Variants in DGCR8 observed in about 807,000 individuals in gnomAD.
DGCR8 encodes the protein microprocessor complex subunit DGCR8.
A neutral mutation model predicts 78.5 loss-of-function variants in DGCR8; 14 were observed. The ratio of observed to expected loss-of-function variants is 0.18; its 90% CI spans 0.12 to 0.28. The LOEUF (loss-of-function observed/expected upper bound fraction) is 0.28, where lower values mean the gene tolerates loss of function less well. Ranked by LOEUF, DGCR8 falls within the 10% of genes least tolerant of loss-of-function variation. DGCR8 has a pLI of 1.00. For missense variants in DGCR8, 702 were observed against 1,022.5 expected (o/e 0.69, Z 4.28); for synonymous variants, 399 against 402.4 (o/e 0.99, Z 0.10).
chr22:20,111,503 T>C lies in DGCR8; in HGVS notation c.*1395T>C. The C allele has an allele frequency of 2.5e-6, 1 of 398,290 alleles. No individual in the cohort carries two copies. The highest frequency in any genetic ancestry group is 4.4e-6 in the Non-Finnish European group (1 of 226,060). 24.7% of individuals were successfully genotyped at this position (398,290 alleles called of 1,614,324 possible). On this transcript the variant is annotated 3_prime_UTR_variant, in exon 14 of 14. Transcript: ENST00000351989. Reference sequence around the variant, plus strand: ...AACCCTCAACTCAAATTGCTATAATTAGACACTTGCTTCTGTCTTGCCTCC... The same window carrying C: ...AACCCTCAACTCAAATTGCTATAATCAGACACTTGCTTCTGTCTTGCCTCC...
intron 1 of DGCR8, among the ~76,000 whole-genome samples, chr22:20,082,663 G>A (rs536367356): frequency 1.3e-5 from 2 of 152,316 alleles, no homozygotes; most frequent in South Asian, 4.1e-4. Context: ...CACCGCGCCC[G>A]GCCCAGAGTG....
chr22:20,107,395 G>A lies in DGCR8; in HGVS notation c.2121G>A (p.Lys707=), dbSNP rs761272991. 2 of 1,614,086 alleles carry A rather than the reference G, an allele frequency of 1.2e-6. No homozygotes were observed. The highest frequency in any genetic ancestry group is 1.7e-6 in the Non-Finnish European group (2 of 1,180,020). ...GCCGTGAGAGCAGCAAGATGGTCAAGCAGGTAACTGGCCATCAGCAGGTCC... is the reference window on the plus strand; with the variant it reads ...GCCGTGAGAGCAGCAAGATGGTCAAACAGGTAACTGGCCATCAGCAGGTCC... ...MYGRESSKMV[K]QETSDKSVIE... is the part of the protein sequence containing the mutation. Residue 707 remains lysine, a synonymous_variant, in exon 12 of 14, where the codon AAG becomes AAA. Transcript: ENST00000351989.
intron 3 of DGCR8, among the ~76,000 whole-genome samples, chr22:20,088,763 T>A (rs1323634726): frequency 6.6e-6 from 1 of 152,152 alleles, no homozygotes; most frequent in Non-Finnish European, 1.5e-5. Flanking sequence ...CTTTTTCCCC[T>A]TATGTATATT....
Position 20,108,906 on chromosome 22 carries a change from G to A in DGCR8, c.2141G>A (p.Ser714Asn). ...KMVKQETSDKSVIELQQYAKK... is the reference protein window; with the variant it reads ...KMVKQETSDKNVIELQQYAKK... ...ACTTCCCAGGAGACATCGGACAAGA[G>A]TGTGATTGAGCTGCAGCAGTATGCC... The change falls in exon 13 of 14, where the codon AGT (serine) becomes AAT (asparagine). Residue 714 changes from serine (S) to asparagine (N), a missense_variant. Around this residue, in one of 4 missense-constraint regions of DGCR8, gnomAD observed 225 missense variants for 427.7 expected, o/e 0.53. Coordinates refer to ENST00000351989, the MANE Select transcript of DGCR8 (RefSeq NM_022720.7). The A allele has an allele frequency of 5.7e-6, 9 of 1,592,154 alleles. No individual in the cohort carries two copies. Among genetic ancestry groups the A allele is most frequent in the Non-Finnish European group, 7.7e-6 (9 of 1,161,680 alleles).
chr22:20,089,771 C>T lies in DGCR8; in HGVS notation c.983C>T (p.Thr328Ile). 1 of 1,613,986 alleles carries T rather than the reference C, an allele frequency of 6.2e-7. No homozygotes were observed. The highest frequency in any genetic ancestry group is 8.5e-7 in the Non-Finnish European group (1 of 1,180,004). ...CTACACAGAGAGTCTCGGGTGGTCACCTGGTCCAGGCCATACTTCTTGGGA... is the reference window on the plus strand; with the variant it reads ...CTACACAGAGAGTCTCGGGTGGTCATCTGGTCCAGGCCATACTTCTTGGGA... Reference protein sequence around the residue: ...VYLHRESRVVTWSRPYFLGTG... With the variant: ...VYLHRESRVVIWSRPYFLGTG... Residue 328 changes from threonine (T) to isoleucine (I), a missense_variant, in exon 4 of 14, where the codon ACC (threonine) becomes ATC (isoleucine). By Grantham distance (89) the Thr-to-Ile change is moderately conservative. This residue lies in a region of DGCR8 where 356 missense variants were observed against 448.9 expected (regional missense o/e 0.79). Coordinates refer to ENST00000351989, the MANE Select transcript of DGCR8 (RefSeq NM_022720.7). The surrounding 1 kb of genome is among the most constrained non-coding windows in gnomAD (Gnocchi z 4.9).
At chr22:20,084,963 G>T (rs541926271) in intron 1 of DGCR8, 1 of 985,332 alleles carries the variant, frequency 1.0e-6, no homozygotes, top group South Asian at 4.7e-5. Flanking sequence ...GGAACGGGCT[G>T]CAGGTGGCAC....
Position 20,111,195 on chromosome 22 carries a change from T to C in DGCR8, c.*1087T>C. ...TATGGGTGGGTGTGCGATGGAAATG[T>C]GTTCCTGCCGGAGTCTGAGGCACCA... On this transcript the variant is annotated 3_prime_UTR_variant, in exon 14 of 14. Coordinates refer to ENST00000351989, the MANE Select transcript of DGCR8 (RefSeq NM_022720.7). 1 of 398,826 alleles carries C rather than the reference T, an allele frequency of 2.5e-6. No individual in the cohort carries two copies. The highest frequency in any genetic ancestry group is 4.4e-6 in the Non-Finnish European group (1 of 226,070). 24.7% of individuals were successfully genotyped at this position (398,826 alleles called of 1,614,324 possible).
At chr22:20,102,509 G>A (rs1315736412) in intron 9 of DGCR8, among the ~76,000 whole-genome samples, 4 of 152,212 alleles carry the variant, frequency 2.6e-5, no homozygotes, top group Non-Finnish European at 5.9e-5. Flanking sequence ...CTGTAAGGTC[G>A]TCCAGGTCTG....
intron 9 of DGCR8, among the ~76,000 whole-genome samples, chr22:20,097,168 G>GT (rs1373684859): frequency 1.3e-5 from 2 of 152,164 alleles, no homozygotes; most frequent in African/African-American, 2.4e-5. Context: ...GCAGGTACAG[G>GT]TATCAGGATA....
In DGCR8 at chr22:20,111,704, G is replaced by GCGC. The variant is rs1568965817; in HGVS notation, c.*1598_*1600dup. On this transcript the variant is annotated 3_prime_UTR_variant, in exon 14 of 14. Coordinates refer to ENST00000351989, the MANE Select transcript of DGCR8 (RefSeq NM_022720.7). ...GCTGCCATACTCTTGTGGTCTCTGT[G>GCGC]CGCCCCCCCCCCCCCCCCACCCGTC... 1 of 148,438 alleles carries GCGC rather than the reference G, an allele frequency of 6.7e-6. No homozygotes were observed. The allele number at this position is 148,438 out of a possible 1,614,324, so 9.2% of individuals were successfully genotyped here. A position where few individuals can be genotyped will look rare whatever the true frequency, so the allele number is the denominator to read the frequency against.
chr22:20,100,280 T>C, intron 9 of DGCR8: 1 of 851,498 alleles, frequency 1.2e-6, no homozygotes, highest in Non-Finnish European at 1.4e-6. Flanking sequence ...TTGGCCAGGA[T>C]GGTCTCTATC....
chr22:20,108,467 G>GC (rs943363574), intron 12 of DGCR8: 1 of 163,644 alleles, frequency 6.1e-6, no homozygotes, highest in African/African-American at 2.4e-5. Flanking sequence ...GCCTGATGCT[G>GC]CTCTGCATTC....
At chr22:20,104,782 C>G (rs1009564948) in intron 9 of DGCR8, among the ~76,000 whole-genome samples, 3 of 152,254 alleles carry the variant, frequency 2.0e-5, no homozygotes, top group Non-Finnish European at 2.9e-5. Flanking sequence ...TTGCCAACCT[C>G]AGGGCTAGTG....
In DGCR8 at chr22:20,111,616, G is replaced by C. The variant is rs1427050529; in HGVS notation, c.*1508G>C. ...GTGAACCAAAGCTTCGTGCACATGT[G>C]TTCCCCTAAAGGTTGGGGAGCCTCG... On this transcript the variant is annotated 3_prime_UTR_variant, in exon 14 of 14. Transcript: ENST00000351989. 6 of 371,508 alleles carry C rather than the reference G, an allele frequency of 1.6e-5. No individual in the cohort carries two copies. Among genetic ancestry groups the C allele is most frequent in the Non-Finnish European group, 2.9e-5 (6 of 209,920 alleles). 23.0% of individuals were successfully genotyped at this position (371,508 alleles called of 1,614,324 possible). A position where few individuals can be genotyped will look rare whatever the true frequency, so the allele number is the denominator to read the frequency against.
chr22:20,100,922 C>T, intron 9 of DGCR8: 1 of 795,020 alleles, frequency 1.3e-6, no homozygotes, highest in Non-Finnish European at 1.5e-6. Flanking sequence ...AATGGGGGCC[C>T]CTGCCACCCG....
rs558811439 is a variant in DGCR8, at chr22:20,111,436, C to T, written c.*1328C>T. On this transcript the variant is annotated 3_prime_UTR_variant, in exon 14 of 14. Transcript: ENST00000351989. ...CCCACAACATATCCTTCCCTCACTA[C>T]CTGTGTGACCAAGGTTGGCTTCTGT... 5.8e-5 allele frequency: 23 copies of T among 397,922 alleles called. No homozygotes were observed. Among genetic ancestry groups the T allele is most frequent in the Non-Finnish European group, 9.7e-5 (22 of 225,916 alleles). 24.6% of individuals were successfully genotyped at this position (397,922 alleles called of 1,614,324 possible).
At chr22:20,100,461 C>G in intron 9 of DGCR8, 1 of 985,386 alleles carries the variant, frequency 1.0e-6, no homozygotes, top group Non-Finnish European at 1.2e-6. Flanking sequence ...TAGACCCTGG[C>G]CCACCAAAAC....
chr22:20,091,555 C>G lies in DGCR8; in HGVS notation c.1427C>G (p.Ala476Gly), dbSNP rs1314258293. ...QFNREMKRKQ[A>G]ESERPILPAN... is the part of the protein sequence containing the mutation. The stretch of plus-strand genomic sequence containing the variant: ...AATCGGGAAATGAAGCGGAAGCAGG[C>G]GGAGTCCGAGAGGCCCATCTTGCCA... Residue 476 changes from alanine (A) to glycine (G), a missense_variant, in exon 6 of 14, where the codon GCG (alanine) becomes GGG (glycine). Around this residue, in one of 4 missense-constraint regions of DGCR8, gnomAD observed 225 missense variants for 427.7 expected, o/e 0.53. Transcript: ENST00000351989. The G allele has an allele frequency of 6.2e-7, 1 of 1,614,194 alleles. No individual in the cohort carries two copies. The highest frequency in any genetic ancestry group is 8.5e-7 in the Non-Finnish European group (1 of 1,180,026).
chr22:20,108,766 G>A, intron 12 of DGCR8, 124 bp from the exon 13 acceptor site: 1 of 705,956 alleles, frequency 1.4e-6, no homozygotes, highest in Non-Finnish European at 2.6e-6. Context: ...GCTCCTGGCT[G>A]TTTCGTGTCT....
Sources: allele counts gnomAD v4.1 joint callset (sites outside exome capture counted in the v4.1 genomes callset), GRCh38; gene constraint gnomAD v4.1.1; regional missense constraint gnomAD v4.1.1; non-coding constraint Gnocchi (gnomAD v3.1); transcripts MANE v1.5; gene names NCBI Gene and HGNC (gene_info 2026-07-23, HGNC 2026-07-21).